SACS: variants seen among roughly 807,000 people sequenced by gnomAD.
The protein encoded by SACS is sacsin molecular chaperone.
A neutral mutation model predicts 348.0 loss-of-function variants in SACS; 197 were observed. The ratio of observed to expected loss-of-function variants is 0.57; its 90% CI spans 0.50 to 0.64. SACS has a LOEUF of 0.64. Ranked by LOEUF, SACS falls within the 30% of genes least tolerant of loss-of-function variation. SACS has a pLI of 0.00. For missense variants in SACS, 4,999 were observed against 5,360.8 expected, an observed-to-expected ratio of 0.93 and a Z score of 2.11; for synonymous variants, 1,985 against 1,910.6, an observed-to-expected ratio of 1.04 and a Z score of -1.02.
rs1883631190 is a variant in SACS, at chr13:23,333,593, G to A, written c.10283C>T (p.Thr3428Ile). Residue 3428 changes from threonine to isoleucine, a missense_variant, in exon 10 of 10, where the codon ACA becomes ATA. Thr to Ile is a moderately conservative substitution (Grantham distance 89). Transcript: ENST00000382292. ...GATACTTTTTGTAAGTACGTAGCAT[G>A]TTCCAAATTTTCCAATGCTTACATA... ...GRYVSIGKFG[T>I]CYVLTKSIPS... The A allele has an allele frequency of 1.2e-6, 2 of 1,613,692 alleles. No homozygotes were observed. Among genetic ancestry groups the A allele is most frequent in the South Asian group, 1.1e-5 (1 of 91,074 alleles).
rs1870202001 is a variant in SACS at position 23,354,577 on chromosome 13, A to G, written c.2035T>C (p.Phe679Leu). The change falls in exon 8 of 10, where the codon TTC (phenylalanine) becomes CTC (leucine). Residue 679 changes from phenylalanine (F) to leucine (L), a missense_variant. Physicochemically the swap from Phe to Leu is conservative, Grantham distance 22. Transcript: ENST00000382292. ...TCTTGGTCTGATACAGATGAGGAGA[A>G]GGGGACAAAATTGCCATTTTGTAAA... is the stretch of plus-strand genomic sequence containing the variant. ...LPLQNGNFVP[F>L]SSSVSDQDVI... is the part of the protein sequence containing the mutation. The G allele has an allele frequency of 6.2e-7, 1 of 1,614,072 alleles. No individual in the cohort carries two copies. Among genetic ancestry groups the G allele is most frequent in the South Asian group, 1.1e-5 (1 of 91,090 alleles).
intron 1 of SACS, among the ~76,000 whole-genome samples, chr13:23,417,939 C>T (rs574368692): frequency 4.6e-5 from 7 of 151,688 alleles, no homozygotes; most frequent in South Asian, 2.1e-4. Context: ...CATGGTGGCA[C>T]GCACTTGTAG....
intron 2 of SACS, among the ~76,000 whole-genome samples, chr13:23,389,619 T>A (rs1162888594): frequency 6.6e-6 from 1 of 152,196 alleles, no homozygotes; most frequent in Non-Finnish European, 1.5e-5. Flanking sequence ...CAGCTGAAAG[T>A]CTGAGCTAAG....
rs367919380 is a variant in SACS at position 23,422,542 on chromosome 13, G to A, written c.-501-10802C>T. 2.6e-5 allele frequency among the ~76,000 whole-genome samples: 4 copies of A among 152,190 alleles called. No homozygotes were observed. The East Asian group carries it at 7.7e-4, about 29-fold the overall frequency. On this transcript the variant is annotated intron_variant, in intron 1 of 9. Transcript: ENST00000382292. ...TTTATTAAACAAGTTCCAAACACAC[G>A]TTTTATAAAACCTAAGGAATGACAT...
At position 23,338,578 on chromosome 13, in the gene SACS, T is replaced by A. The variant is rs1021278925; in HGVS notation, c.5298A>T (p.Glu1766Asp). Reference sequence around the variant, plus strand: ...CAATCCTTCTGAACACATGGTGAAATTCTTCCACTGTGATCTGAAGAATGC... The same window carrying A: ...CAATCCTTCTGAACACATGGTGAAAATCTTCCACTGTGATCTGAAGAATGC... ...SSCILQITVEEFHHVFRRIAD... is the reference protein window; with the variant it reads ...SSCILQITVEDFHHVFRRIAD... Residue 1766 changes from glutamate to aspartate, a missense_variant, in exon 10 of 10, where the codon GAA becomes GAT. Coordinates refer to ENST00000382292, the MANE Select transcript of SACS (RefSeq NM_014363.6). The A allele has an allele frequency of 6.8e-6, 11 of 1,613,972 alleles. No homozygotes were observed. The highest frequency in any genetic ancestry group is 8.5e-6 in the Non-Finnish European group (10 of 1,179,990).
At chr13:23,360,506 T>TAAAA (rs1272122768) in intron 6 of SACS, among the ~76,000 whole-genome samples, 1 of 151,650 alleles carries the variant, frequency 6.6e-6, no homozygotes, top group Non-Finnish European at 1.5e-5. Flanking sequence ...GGAAGGAAAT[T>TAAAA]AAAATTTTCA....
chr13:23,387,181 C>T (rs1020841137), intron 2 of SACS, among the ~76,000 whole-genome samples: 1 of 152,010 alleles, frequency 6.6e-6, no homozygotes, highest in Admixed American at 6.5e-5. Context: ...GAATGTCGGC[C>T]GGGCGCGGTG....
At position 23,336,883 on chromosome 13, in the gene SACS, T is replaced by A. The variant is rs759201960; in HGVS notation, c.6993A>T (p.Glu2331Asp). Residue 2331 changes from glutamate (E) to aspartate (D), a missense_variant, in exon 10 of 10, where the codon GAA becomes GAT. This residue lies in a region of SACS where 3,156 missense variants were observed against 3,380.1 expected (regional missense o/e 0.93). Coordinates refer to ENST00000382292, the MANE Select transcript of SACS (RefSeq NM_014363.6). ...KYLHEALMQN[E>D]ITKMSIIDKL... ...TATCAATAATTGACATCTTAGTGAT[T>A]TCATTTTGCATCAAGGCTTCATGAA... 9 of 1,613,364 alleles carry A rather than the reference T, an allele frequency of 5.6e-6. No individual in the cohort carries two copies. Among genetic ancestry groups the A allele is most frequent in the Non-Finnish European group, 7.6e-6 (9 of 1,179,534 alleles).
chr13:23,385,753 A>G (rs1313810966), intron 2 of SACS, among the ~76,000 whole-genome samples: 1 of 152,232 alleles, frequency 6.6e-6, no homozygotes, highest in East Asian at 1.9e-4. Flanking sequence ...ATCACTATCT[A>G]TGGCAGCTAT....
intron 9 of SACS, among the ~76,000 whole-genome samples, chr13:23,342,141 G>A (rs1869298470): frequency 6.6e-6 from 1 of 151,840 alleles, no homozygotes; most frequent in African/African-American, 2.4e-5. Context: ...CAGCAAAACT[G>A]GGCTAAAATA....
At position 23,329,508 on chromosome 13, in the gene SACS, A is replaced by C. The variant is rs1267342773; in HGVS notation, c.*628T>G. The stretch of plus-strand genomic sequence containing the variant: ...GCCTGTAAACATAAGATGTTAAAAA[A>C]AAATTTAAATAAAGATGTAAAGTGC... On this transcript the variant is annotated 3_prime_UTR_variant, in exon 10 of 10. Transcript: ENST00000382292. 4.1e-6 allele frequency: 3 copies of C among 732,174 alleles called. No homozygotes were observed. The African/African-American group carries it at 5.3e-5, about 13-fold the overall frequency. The allele number at this position is 732,174 out of a possible 1,614,324, so 45.4% of individuals were successfully genotyped here.
chr13:23,361,428 T>A (rs2137759969), intron 6 of SACS, among the ~76,000 whole-genome samples: 1 of 152,282 alleles, frequency 6.6e-6, no homozygotes, highest in Non-Finnish European at 1.5e-5. Flanking sequence ...AAATGGCCTG[T>A]ATCTACTCTG....
chr13:23,332,130 A>G lies in SACS; in HGVS notation c.11746T>C (p.Leu3916=), dbSNP rs370087920. 8.7e-6 allele frequency: 14 copies of G among 1,613,914 alleles called. No individual in the cohort carries two copies. In the African/African-American group the frequency reaches 1.9e-4, roughly 22 times the overall value. Reference sequence around the variant, plus strand: ...AACACTAAGATGCTTGACTTTACCAATCTACCATCCTGGCTTGGGAGGTAA... The same window carrying G: ...AACACTAAGATGCTTGACTTTACCAGTCTACCATCCTGGCTTGGGAGGTAA... The part of the protein sequence containing the change: ...ALYLPSQDGR[L]VKSSILVFDD... The change falls in exon 10 of 10, where the codon TTG becomes CTG. Residue 3916 remains leucine, a synonymous_variant. Transcript: ENST00000382292.
intron 2 of SACS, among the ~76,000 whole-genome samples, chr13:23,376,382 C>G (rs1211327611): frequency 6.7e-6 from 1 of 149,540 alleles, no homozygotes; most frequent in Non-Finnish European, 1.5e-5. Context: ...ATATGATACA[C>G]ATTGCAAAAA....
chr13:23,411,382 C>T lies in SACS; in HGVS notation c.-143G>A, dbSNP rs544883197. ...CAGGTGGAAAAAAAGCCTGTTTTTC[C>T]CTTCAGTGTCCATTCATCATCTGAT... On this transcript the variant is annotated 5_prime_UTR_variant, in exon 2 of 10. Transcript: ENST00000382292. 6.8e-6 allele frequency: 5 copies of T among 739,062 alleles called. No individual in the cohort carries two copies. Among genetic ancestry groups the T allele is most frequent in the East Asian group, 2.6e-5 (1 of 39,042 alleles). 45.8% of individuals were successfully genotyped at this position (739,062 alleles called of 1,614,324 possible). A position where few individuals can be genotyped will look rare whatever the true frequency, so the allele number is the denominator to read the frequency against.
In SACS at chr13:23,339,090, ATT is replaced by A; in HGVS notation, c.4784_4785del (p.Lys1595IlefsTer8). On this transcript the variant is annotated frameshift_variant, in exon 10 of 10. Transcript: ENST00000382292. LOFTEE classifies it high-confidence loss of function. The stretch of plus-strand genomic sequence containing the variant: ...CAATTAATTTTGATCCCAGGATTGG[ATT>A]TGTCTTTAATGTGTTTACTGATATG... ...INHISKHIKDKSNPGIKINWS... is the reference protein window; with the variant it reads ...INHISKHIKDXSNPGIKINWS... 6.2e-7 allele frequency: 1 copy of A among 1,611,906 alleles called. No homozygotes were observed. The highest frequency in any genetic ancestry group is 8.5e-7 in the Non-Finnish European group (1 of 1,179,024).
chr13:23,431,538 T>C (rs1420933502), intron 1 of SACS, among the ~76,000 whole-genome samples: 2 of 152,202 alleles, frequency 1.3e-5, no homozygotes, highest in Non-Finnish European at 2.9e-5. Context: ...AAGATCAGAA[T>C]AGCAATGGGA....
chr13:23,401,717 A>G (rs979654062), intron 2 of SACS, among the ~76,000 whole-genome samples: 2 of 152,206 alleles, frequency 1.3e-5, no homozygotes, highest in Non-Finnish European at 2.9e-5. Flanking sequence ...CTTTTGTTTT[A>G]CTTTCTACTG....
intron 2 of SACS, among the ~76,000 whole-genome samples, chr13:23,409,039 A>ATTTTTTTTTTTT (rs1474798713): frequency 3.0e-5 from 2 of 66,814 alleles, no homozygotes; most frequent in African/African-American, 5.9e-5. Context: ...AACAAGTTTT[A>ATTTTTTTTTTTT]CTTTTTTTTT....
Sources: allele counts gnomAD v4.1 joint callset (sites outside exome capture counted in the v4.1 genomes callset), GRCh38; gene constraint gnomAD v4.1.1; regional missense constraint gnomAD v4.1.1; transcripts MANE v1.5; gene names NCBI Gene and HGNC (gene_info 2026-07-23, HGNC 2026-07-21).